MICU3: variants seen among roughly 807,000 people sequenced by gnomAD.
The protein encoded by MICU3 is mitochondrial calcium uptake 3.
A neutral mutation model predicts 66.5 loss-of-function variants in MICU3; 62 were observed. That is an observed-to-expected ratio of 0.93 (90% CI 0.76 to 1.15). The LOEUF is 1.15. MICU3 is among the 50% of genes most tolerant of loss of function. MICU3 has a pLI of 0.00. For synonymous variants in MICU3, 308 were observed against 240.7 expected (o/e 1.28, Z -2.59); for missense variants, 779 against 664.4 (o/e 1.17, Z -1.90).
At chr8:17,110,852 C>T (rs1283837422) in intron 11 of MICU3, among the ~76,000 whole-genome samples, 2 of 152,076 alleles carry the variant, frequency 1.3e-5, no homozygotes, top group Admixed American at 1.3e-4. Flanking sequence ...AGTGGGATCA[C>T]AGGGGTGAGT....
At chr8:17,090,444 T>G in intron 7 of MICU3, 102 bp from the exon 8 acceptor site, 2 of 939,598 alleles carry the variant, frequency 2.1e-6, no homozygotes. Context: ...GATTTGCCCT[T>G]CCTAATTGAT....
the MICU3 span, among the ~76,000 whole-genome samples, chr8:17,130,429 A>G: frequency 5.3e-5 from 8 of 152,216 alleles, no homozygotes; most frequent in Admixed American, 1.3e-4. Context: ...AGGCCAAGGC[A>G]GAAGAATCAC....
At chr8:17,079,173 A>C (rs531151666) in intron 4 of MICU3, among the ~76,000 whole-genome samples, 1 of 152,234 alleles carries the variant, frequency 6.6e-6, no homozygotes, top group African/African-American at 2.4e-5. Flanking sequence ...CAGGGGATAG[A>C]ATCTATGCTG....
At chr8:17,055,749 T>C (rs1816819526) in intron 1 of MICU3, among the ~76,000 whole-genome samples, 2 of 152,202 alleles carry the variant, frequency 1.3e-5, no homozygotes. Flanking sequence ...CCAGCCCCTG[T>C]CCTAGTACGT....
chr8:17,136,782 T>C, the MICU3 span, among the ~76,000 whole-genome samples: 1 of 151,036 alleles, frequency 6.6e-6, no homozygotes. Context: ...AGGCTGGCAG[T>C]GCCGTGGTGC....
At chr8:17,096,157 C>G (rs1008854580) in intron 8 of MICU3, among the ~76,000 whole-genome samples, 1 of 151,882 alleles carries the variant, frequency 6.6e-6, no homozygotes, top group Non-Finnish European at 1.5e-5. Flanking sequence ...GCGTATTGGT[C>G]TACTATTTAC....
At chr8:17,059,941 T>C (rs1255224768) in intron 1 of MICU3, among the ~76,000 whole-genome samples, 6 of 152,120 alleles carry the variant, frequency 3.9e-5, no homozygotes, top group Non-Finnish European at 8.8e-5. Flanking sequence ...AACAAAATAC[T>C]AGTAGGATTT....
chr8:17,041,101 T>G (rs1813990749), intron 1 of MICU3, among the ~76,000 whole-genome samples: 1 of 152,048 alleles, frequency 6.6e-6, no homozygotes, highest in South Asian at 2.1e-4. Flanking sequence ...AGAAATAGAT[T>G]TGGGAATCAT....
intron 1 of MICU3, among the ~76,000 whole-genome samples, chr8:17,042,931 ATTTTTTTTTTTTT>A (rs996846253): frequency 3.7e-5 from 3 of 82,154 alleles, no homozygotes; most frequent in African/African-American, 1.2e-4. Flanking sequence ...ATTCAAAGTG[ATTTTTTTTTTTTT>A]TTTTTTTTTT....
chr8:17,138,585 C>G, the MICU3 span, among the ~76,000 whole-genome samples: 1 of 152,122 alleles, frequency 6.6e-6, no homozygotes, highest in East Asian at 1.9e-4. Flanking sequence ...GTAATATACG[C>G]ACCATCGTCT....
chr8:17,053,172 C>T (rs547779253), intron 1 of MICU3, among the ~76,000 whole-genome samples: 24 of 151,974 alleles, frequency 1.6e-4, no homozygotes, highest in Non-Finnish European at 3.2e-4. Context: ...CTCTGTTTCA[C>T]GGTTGCTAAA....
chr8:17,118,207 G>T (rs1802873455), intron 13 of MICU3, among the ~76,000 whole-genome samples: 1 of 151,850 alleles, frequency 6.6e-6, no homozygotes, highest in Non-Finnish European at 1.5e-5. Flanking sequence ...TAAGTGTTAT[G>T]TTTTTATTTT....
chr8:17,065,695 A>G (rs1818570237), intron 2 of MICU3, among the ~76,000 whole-genome samples: 1 of 152,206 alleles, frequency 6.6e-6, no homozygotes, highest in Non-Finnish European at 1.5e-5. Context: ...TGTCCACTAG[A>G]TTTAAAAACA....
intron 5 of MICU3, among the ~76,000 whole-genome samples, chr8:17,082,763 G>A (rs564809458): frequency 1.1e-3 from 174 of 152,182 alleles, no homozygotes; most frequent in African/African-American, 4.0e-3. Flanking sequence ...AAAATACCTT[G>A]TACTTCTTTG....
chr8:17,138,039 G>T, the MICU3 span, among the ~76,000 whole-genome samples: 1 of 151,948 alleles, frequency 6.6e-6, no homozygotes, highest in Non-Finnish European at 1.5e-5. Flanking sequence ...CTATTACATG[G>T]AAGTGGATTT....
intron 7 of MICU3, among the ~76,000 whole-genome samples, 166 bp from the exon 8 acceptor site, chr8:17,090,380 T>C (rs900079742): frequency 2.0e-5 from 3 of 152,254 alleles, no homozygotes; most frequent in Non-Finnish European, 4.4e-5. Context: ...TACTCATCTT[T>C]AACATTTATC....
chr8:17,084,535 C>G (rs1799251655), intron 5 of MICU3, among the ~76,000 whole-genome samples: 1 of 152,060 alleles, frequency 6.6e-6, no homozygotes. Context: ...TTGAGAAGGG[C>G]ACGTCCACTG....
At position 17,121,009 on chromosome 8, in the gene MICU3, C is replaced by T. The variant is rs1803156601; in HGVS notation, c.*722C>T. The T allele has an allele frequency of 6.6e-6, 1 of 151,802 alleles. No homozygotes were observed. The highest frequency in any genetic ancestry group is 2.4e-5 in the African/African-American group (1 of 41,386). 9.4% of individuals were successfully genotyped at this position (151,802 alleles called of 1,614,324 possible). On this transcript the variant is annotated 3_prime_UTR_variant, in exon 15 of 15. Coordinates refer to ENST00000318063, the MANE Select transcript of MICU3 (RefSeq NM_181723.3). ...GAAATTTAAAGTGTAGAATTTTCCT[C>T]CCCCAAAAAGTCATGTGTTGATAGT...
chr8:17,075,046 A>G (rs1249712750), intron 3 of MICU3, among the ~76,000 whole-genome samples: 3 of 152,102 alleles, frequency 2.0e-5, no homozygotes, highest in African/African-American at 7.2e-5. Context: ...ATAATGAATC[A>G]TAGAACTCAG....
Sources: allele counts gnomAD v4.1 joint callset (sites outside exome capture counted in the v4.1 genomes callset), GRCh38; gene constraint gnomAD v4.1.1; transcripts MANE v1.5; gene names NCBI Gene and HGNC (gene_info 2026-07-23, HGNC 2026-07-21).